ACAP2: variants seen among roughly 807,000 people sequenced by gnomAD.
ACAP2 encodes ArfGAP with coiled-coil, ankyrin repeat and PH domains 2, also known as arf-GAP with coiled-coil, ANK repeat and PH domain-containing protein 2.
A neutral mutation model predicts 115.8 loss-of-function variants in ACAP2; 39 were observed. That is an observed-to-expected ratio of 0.34 (90% CI 0.26 to 0.44). ACAP2 has a LOEUF of 0.44. Ranked by LOEUF, ACAP2 falls within the 20% of genes least tolerant of loss-of-function variation. ACAP2 has a pLI of 1.00. For synonymous variants in ACAP2, 289 were observed against 315.8 expected, an observed-to-expected ratio of 0.92 and a Z score of 0.90; for missense variants, 662 against 927.6, an observed-to-expected ratio of 0.71 and a Z score of 3.72.
chr3:195,315,964 T>C (rs1371957939), intron 10 of ACAP2, among the ~76,000 whole-genome samples: 2 of 152,242 alleles, frequency 1.3e-5, no homozygotes, highest in African/African-American at 4.8e-5. Flanking sequence ...TAACACTTAC[T>C]ATGCTTCATT....
chr3:195,358,416 T>C (rs1732131531), intron 4 of ACAP2, among the ~76,000 whole-genome samples: 1 of 152,006 alleles, frequency 6.6e-6, no homozygotes, highest in Non-Finnish European at 1.5e-5. Context: ...ATCGGAGCAA[T>C]GGAGATATGT....
At chr3:195,351,854 T>C (rs538025606) in intron 4 of ACAP2, among the ~76,000 whole-genome samples, 2 of 152,282 alleles carry the variant, frequency 1.3e-5, no homozygotes, top group South Asian at 4.1e-4. Context: ...TCATTACTTA[T>C]TAATAAGGAA....
At chr3:195,297,302 G>C (rs371671908) in intron 15 of ACAP2, 21 bp from the exon 16 acceptor site, 24 of 1,593,178 alleles carry the variant, frequency 1.5e-5, no homozygotes, top group Non-Finnish European at 3.4e-6. Flanking sequence ...AAAAAAAATA[G>C]AAAAATAAGC....
At chr3:195,415,511 G>A (rs968588230) in intron 1 of ACAP2, among the ~76,000 whole-genome samples, 2 of 152,118 alleles carry the variant, frequency 1.3e-5, no homozygotes, top group African/African-American at 4.8e-5. Flanking sequence ...TCTTGACCTC[G>A]TGATTTGCTG....
chr3:195,387,326 T>C (rs1734371739), intron 2 of ACAP2, among the ~76,000 whole-genome samples: 1 of 152,228 alleles, frequency 6.6e-6, no homozygotes, highest in South Asian at 2.1e-4. Context: ...GCAATTACTA[T>C]GTCATAGACA....
chr3:195,346,182 G>C lies in ACAP2; in HGVS notation c.286-865C>G, dbSNP rs557826805. Among the ~76,000 whole-genome samples, 4 of 152,198 alleles carry C rather than the reference G, an allele frequency of 2.6e-5. No homozygotes were observed. The East Asian group carries it at 7.7e-4, about 29-fold the overall frequency. ...CAAAATCTGTCAATTTACTTCCAGAGAGAAATTTAATTTTGTCTGTATTAT... is the reference window on the plus strand; with the variant it reads ...CAAAATCTGTCAATTTACTTCCAGACAGAAATTTAATTTTGTCTGTATTAT... On this transcript the variant is annotated intron_variant, in intron 4 of 22. Transcript: ENST00000326793.
At chr3:195,352,650 A>G (rs1224342221) in intron 4 of ACAP2, among the ~76,000 whole-genome samples, 1 of 152,246 alleles carries the variant, frequency 6.6e-6, no homozygotes, top group East Asian at 1.9e-4. Flanking sequence ...GCTTTAAAAT[A>G]TGACAACAAA....
intron 1 of ACAP2, among the ~76,000 whole-genome samples, 161 bp from the exon 2 acceptor site, chr3:195,392,308 A>G (rs1370059030): frequency 1.3e-5 from 2 of 152,238 alleles, no homozygotes; most frequent in African/African-American, 4.8e-5. Context: ...CTTCATAATC[A>G]TGCAATACAA....
At chr3:195,368,033 A>G (rs536657149) in intron 4 of ACAP2, among the ~76,000 whole-genome samples, 3 of 152,324 alleles carry the variant, frequency 2.0e-5, no homozygotes, top group South Asian at 2.1e-4. Flanking sequence ...ATTGATGTTT[A>G]TAAGTTTTTA....
intron 9 of ACAP2, among the ~76,000 whole-genome samples, 158 bp from the exon 10 acceptor site, chr3:195,320,971 A>G (rs1175683260): frequency 1.3e-5 from 2 of 152,168 alleles, no homozygotes; most frequent in Non-Finnish European, 1.5e-5. Flanking sequence ...TAAATGATCA[A>G]TAATAAAGAA....
At chr3:195,343,197 T>C (rs1367613640) in intron 5 of ACAP2, among the ~76,000 whole-genome samples, 5 of 152,186 alleles carry the variant, frequency 3.3e-5, no homozygotes, top group African/African-American at 1.2e-4. Context: ...AATTATCTAA[T>C]TAACATTACA....
intron 1 of ACAP2, among the ~76,000 whole-genome samples, chr3:195,392,362 C>T (rs925717780): frequency 1.3e-5 from 2 of 152,150 alleles, no homozygotes; most frequent in African/African-American, 2.4e-5. Context: ...GAACACATTA[C>T]GCTAATTTAT....
intron 1 of ACAP2, among the ~76,000 whole-genome samples, chr3:195,408,762 G>GA (rs1048129122): frequency 1.3e-5 from 2 of 151,954 alleles, no homozygotes; most frequent in Non-Finnish European, 1.5e-5. Context: ...TGACCTAGTA[G>GA]AATTTATTCC....
chr3:195,337,878 C>A (rs1011957343), intron 6 of ACAP2, among the ~76,000 whole-genome samples: 1 of 152,188 alleles, frequency 6.6e-6, no homozygotes, highest in African/African-American at 2.4e-5. Flanking sequence ...TTTCTATTAC[C>A]TTCCCACTTT....
intron 4 of ACAP2, among the ~76,000 whole-genome samples, chr3:195,347,009 T>C (rs979076028): frequency 6.6e-6 from 1 of 151,962 alleles, no homozygotes; most frequent in African/African-American, 2.4e-5. Flanking sequence ...TTCTGGGGAG[T>C]TGATGGAACT....
At chr3:195,279,461 T>G (rs1726346186) in intron 22 of ACAP2, 33 bp from the exon 23 acceptor site, 2 of 1,329,040 alleles carry the variant, frequency 1.5e-6, no homozygotes, top group Non-Finnish European at 2.1e-6. Context: ...ACTTTAAACA[T>G]TTACACAAGT....
chr3:195,289,723 G>A (rs572178320), intron 20 of ACAP2, among the ~76,000 whole-genome samples: 24 of 149,550 alleles, frequency 1.6e-4, no homozygotes, highest in Admixed American at 4.7e-4. Context: ...GGAGAATGGC[G>A]TGAACCCGGG....
chr3:195,345,611 C>A (rs1731144772), intron 4 of ACAP2, among the ~76,000 whole-genome samples: 2 of 152,078 alleles, frequency 1.3e-5, no homozygotes, highest in Non-Finnish European at 2.9e-5. Context: ...CAAATTCAGG[C>A]TTTGGAAGAC....
In ACAP2 at chr3:195,319,335, G is replaced by A. The variant is rs111993361; in HGVS notation, c.857+1366C>T. On this transcript the variant is annotated intron_variant, in intron 10 of 22. Coordinates refer to ENST00000326793, the MANE Select transcript of ACAP2 (RefSeq NM_012287.6). ...ATAGTCCCCACTGTGGCACTGCCTA[G>A]TGGAGCTTTGAGAAGAGGGCCACCA... Among the ~76,000 whole-genome samples the A allele has an allele frequency of 4.1e-4, 63 of 152,360 alleles. No homozygotes were observed. In the Middle Eastern group the frequency reaches 0.017, roughly 41 times the overall value.
Sources: gnomAD v4.1 joint callset for allele counts (sites outside exome capture counted in the v4.1 genomes callset) on GRCh38, gnomAD v4.1.1 for gene constraint, MANE v1.5 for transcripts, NCBI Gene and HGNC (gene_info 2026-07-23, HGNC 2026-07-21) for gene names.